KIF13B: variants seen among roughly 807,000 people sequenced by gnomAD.
KIF13B encodes kinesin family member 13B, also known as kinesin-like protein KIF13B.
KIF13B carries 127 observed loss-of-function variants against 222.0 expected under a neutral mutation model. That is an observed-to-expected ratio of 0.57 (90% CI 0.50 to 0.66). The LOEUF (loss-of-function observed/expected upper bound fraction) is 0.66. KIF13B is among the 30% of genes least tolerant of loss of function. The pLI, the probability that KIF13B is intolerant of heterozygous loss-of-function variation, is 0.00. For synonymous variants in KIF13B, 976 were observed against 919.0 expected, an observed-to-expected ratio of 1.06 and a Z score of -1.12; for missense variants, 2,173 against 2,379.0, an observed-to-expected ratio of 0.91 and a Z score of 1.80.
chr8:29,203,450 T>C (rs541508429), intron 2 of KIF13B, among the ~76,000 whole-genome samples: 4 of 152,336 alleles, frequency 2.6e-5, no homozygotes, highest in Non-Finnish European at 5.9e-5. Flanking sequence ...AAACAGCCTA[T>C]GTTACTCTCG....
intron 3 of KIF13B, among the ~76,000 whole-genome samples, chr8:29,195,236 A>G (rs1163972166): frequency 6.6e-6 from 1 of 152,140 alleles, no homozygotes; most frequent in Non-Finnish European, 1.5e-5. Context: ...CAAGAGCTAG[A>G]CTCCATCTCA....
chr8:29,197,218 TC>T (rs1027279685), intron 2 of KIF13B, among the ~76,000 whole-genome samples: 1 of 149,022 alleles, frequency 6.7e-6, no homozygotes, highest in African/African-American at 2.5e-5. Flanking sequence ...GCGCCTGTAG[TC>T]CCAGCTACTT....
intron 2 of KIF13B, among the ~76,000 whole-genome samples, chr8:29,221,621 C>T (rs925410436): frequency 4.6e-5 from 7 of 152,112 alleles, no homozygotes; most frequent in African/African-American, 1.7e-4. Context: ...TAATATGAAT[C>T]TTAATTATCC....
At chr8:29,103,061 T>C (rs896823933) in intron 35 of KIF13B, among the ~76,000 whole-genome samples, 2 of 151,872 alleles carry the variant, frequency 1.3e-5, no homozygotes, top group African/African-American at 2.4e-5. Context: ...GCTAACATGA[T>C]GAAACCCCGT....
At chr8:29,115,326 ATTTTT>A (rs371020041) in intron 31 of KIF13B, among the ~76,000 whole-genome samples, 4 of 141,274 alleles carry the variant, frequency 2.8e-5, no homozygotes, top group African/African-American at 1.0e-4. Flanking sequence ...AAAAAAAAGA[ATTTTT>A]TTTTTTTTTT....
chr8:29,210,354 C>T (rs1046210921), intron 2 of KIF13B, among the ~76,000 whole-genome samples: 2 of 152,184 alleles, frequency 1.3e-5, no homozygotes, highest in Non-Finnish European at 2.9e-5. Flanking sequence ...ACAGACTTCA[C>T]CATTTCTAGA....
At chr8:29,113,408 A>T (rs1290005664) in intron 32 of KIF13B, 55 bp downstream of exon 32, 1 of 1,051,146 alleles carries the variant, frequency 9.5e-7, no homozygotes, top group Non-Finnish European at 1.4e-6. Context: ...CTTTTCAGGG[A>T]GTTGGCTCTT....
chr8:29,176,182 G>A lies in KIF13B; in HGVS notation c.834-3C>T, dbSNP rs1433988517. ...CCAGACCGAGGGTTGTGAGGGACCT[G>A]CATGGTGCAACAAACCAAAATAATT... On this transcript the variant is annotated splice_polypyrimidine_tract_variant and splice_region_variant and intron_variant, in intron 9 of 39. Coordinates refer to ENST00000524189, the MANE Select transcript of KIF13B (RefSeq NM_015254.4). The A allele has an allele frequency of 6.4e-7, 1 of 1,573,756 alleles. No homozygotes were observed. Among genetic ancestry groups the A allele is most frequent in the Non-Finnish European group, 8.7e-7 (1 of 1,148,288 alleles).
Position 29,071,607 on chromosome 8 carries a change from G to A in KIF13B, c.5218+13C>T. ...CCGGCACCACCCTGGAGCCCGGAGT[G>A]CCCGGTACCCACCTGAGGGCAGGTC... is the stretch of plus-strand genomic sequence containing the variant. On this transcript the variant is annotated intron_variant, in intron 39 of 39. Coordinates refer to ENST00000524189, the MANE Select transcript of KIF13B (RefSeq NM_015254.4). This position sits in a 1 kb window ranked among gnomAD's most constrained non-coding sequence, Gnocchi z 4.9. 1 of 1,546,482 alleles carries A rather than the reference G, an allele frequency of 6.5e-7. No individual in the cohort carries two copies. Among genetic ancestry groups the A allele is most frequent in the Non-Finnish European group, 8.7e-7 (1 of 1,146,036 alleles).
chr8:29,250,405 TATC>T (rs1385460627), intron 1 of KIF13B, among the ~76,000 whole-genome samples: 8 of 152,216 alleles, frequency 5.3e-5, no homozygotes, highest in African/African-American at 1.7e-4. Flanking sequence ...ACACCATGCA[TATC>T]ATCAGATAAA....
intron 2 of KIF13B, chr8:29,219,391 C>A: frequency 6.6e-6 from 1 of 152,122 alleles, no homozygotes; most frequent in Non-Finnish European, 1.5e-5. Context: ...GTCATCAAGG[C>A]TGCAAAAAAG....
At chr8:29,135,063 G>A (rs889246547) in intron 21 of KIF13B, among the ~76,000 whole-genome samples, 1 of 152,146 alleles carries the variant, frequency 6.6e-6, no homozygotes, top group Non-Finnish European at 1.5e-5. Context: ...ATTTGTTTTT[G>A]AGCCAGGGTC....
Position 29,165,647 on chromosome 8 carries a change from T to A in KIF13B, c.1269+15A>T, listed in dbSNP as rs1283082069. 1.3e-6 allele frequency: 2 copies of A among 1,539,476 alleles called. No homozygotes were observed. Among genetic ancestry groups the A allele is most frequent in the Admixed American group, 1.7e-5 (1 of 59,624 alleles). ...CCATGAGGTTTCATGCGCTTCATCA[T>A]CAGGAAACACGAACCTGTGCAATCT... On this transcript the variant is annotated intron_variant, in intron 12 of 39. Coordinates refer to ENST00000524189, the MANE Select transcript of KIF13B (RefSeq NM_015254.4).
chr8:29,206,661 A>G (rs923515084), intron 2 of KIF13B, among the ~76,000 whole-genome samples: 2 of 152,234 alleles, frequency 1.3e-5, no homozygotes. Flanking sequence ...AAATATTTAC[A>G]GTCTGCCGTG....
rs577710915 is a variant in KIF13B, at chr8:29,145,130, T to C, written c.2187+1248A>G. The stretch of plus-strand genomic sequence containing the variant: ...CTTCGGTTTTTGGTGAGTCCTACTG[T>C]ACCCAGACTTTGCCCTACAAATACT... On this transcript the variant is annotated intron_variant, in intron 18 of 39. Transcript: ENST00000524189. Among the ~76,000 whole-genome samples, 6 of 152,350 alleles carry C rather than the reference T, an allele frequency of 3.9e-5. No homozygotes were observed. The South Asian group carries it at 1.2e-3, about 32-fold the overall frequency.
chr8:29,104,671 T>C (rs1437099946), intron 35 of KIF13B, among the ~76,000 whole-genome samples: 2 of 152,142 alleles, frequency 1.3e-5, no homozygotes, highest in African/African-American at 4.8e-5. Flanking sequence ...CCTTGGGACA[T>C]GACGTCAAGA....
intron 18 of KIF13B, among the ~76,000 whole-genome samples, chr8:29,145,474 T>C (rs1199312531): frequency 2.0e-5 from 3 of 151,862 alleles, no homozygotes; most frequent in African/African-American, 7.3e-5. Context: ...CTACTAAAAA[T>C]ACAAAAATTA....
chr8:29,127,339 C>T (rs1447385824), intron 24 of KIF13B, 71 bp from the exon 25 acceptor site: 23 of 1,341,340 alleles, frequency 1.7e-5, no homozygotes, highest in African/African-American at 2.9e-5. Context: ...AGAGAGACCC[C>T]TACAGGCTGA....
At chr8:29,176,831 T>C (rs1393165630) in intron 9 of KIF13B, among the ~76,000 whole-genome samples, 2 of 151,650 alleles carry the variant, frequency 1.3e-5, no homozygotes, top group Non-Finnish European at 1.5e-5. Context: ...ATCAAGCACC[T>C]CAACAAAACC....
Sources: gnomAD v4.1 joint callset for allele counts (sites outside exome capture counted in the v4.1 genomes callset) on GRCh38, gnomAD v4.1.1 for gene constraint, Gnocchi (gnomAD v3.1) non-coding constraint, MANE v1.5 for transcripts, NCBI Gene and HGNC (gene_info 2026-07-23, HGNC 2026-07-21) for gene names.